The following ZFPM2 variants were observed in gnomAD, a reference collection of about 807,000 sequenced individuals.
ZFPM2 encodes the protein zinc finger protein, FOG family member 2.
ZFPM2 carries 20 observed loss-of-function variants against 98.6 expected under a neutral mutation model. The observed-to-expected ratio is 0.20, with a 90% CI of 0.14 to 0.29. The LOEUF (loss-of-function observed/expected upper bound fraction) is 0.29. Ranked by LOEUF, ZFPM2 falls within the 10% of genes least tolerant of loss-of-function variation. The pLI is 1.00. For missense variants in ZFPM2, 1,310 were observed against 1,388.6 expected (o/e 0.94, Z 0.90); for synonymous variants, 518 against 502.7 (o/e 1.03, Z -0.41).
chr8:105,330,597 T>TATATATATACATATATATATAC (rs1563606765), intron 1 of ZFPM2, among the ~76,000 whole-genome samples: 7 of 71,434 alleles, frequency 9.8e-5, no homozygotes, highest in Non-Finnish European at 1.4e-4. Context: ...TATATATACA[T>TATATATATACATATATATATAC]ATATATATAT....
chr8:105,629,272 G>A (rs746457884), intron 4 of ZFPM2, among the ~76,000 whole-genome samples: 1 of 152,164 alleles, frequency 6.6e-6, no homozygotes, highest in Non-Finnish European at 1.5e-5. Context: ...AATAAATGGG[G>A]CACCCCTGTT....
chr8:105,530,928 TTA>T (rs1464175101), intron 3 of ZFPM2, among the ~76,000 whole-genome samples: 3 of 152,170 alleles, frequency 2.0e-5, no homozygotes, highest in African/African-American at 7.2e-5. Context: ...GTCCATAGTT[TTA>T]TATGTAATTT....
intron 5 of ZFPM2, among the ~76,000 whole-genome samples, chr8:105,652,439 T>C (rs1425217302): frequency 6.6e-6 from 1 of 151,206 alleles, no homozygotes; most frequent in Non-Finnish European, 1.5e-5. Flanking sequence ...TACCATGGTG[T>C]TGCAAGCAAG....
intron 2 of ZFPM2, among the ~76,000 whole-genome samples, chr8:105,436,315 T>A (rs1812118281): frequency 1.3e-5 from 2 of 151,716 alleles, no homozygotes; most frequent in South Asian, 4.2e-4. Flanking sequence ...AGGTCGGGAG[T>A]TCGAGACCAG....
chr8:105,658,608 A>G (rs1483676867), intron 5 of ZFPM2, among the ~76,000 whole-genome samples: 7 of 40,568 alleles, frequency 1.7e-4, no homozygotes, highest in African/African-American at 9.3e-4. Flanking sequence ...AAAAAAAAAA[A>G]AAAGAAATCA....
At chr8:105,772,898 A>G (rs1813012519) in intron 5 of ZFPM2, among the ~76,000 whole-genome samples, 1 of 152,248 alleles carries the variant, frequency 6.6e-6, no homozygotes, top group South Asian at 2.1e-4. Context: ...GGGGAAAGTT[A>G]CATCTTTATG....
chr8:105,494,467 C>T (rs1299019062), intron 3 of ZFPM2, among the ~76,000 whole-genome samples: 1 of 151,858 alleles, frequency 6.6e-6, no homozygotes, highest in African/African-American at 2.4e-5. Context: ...GGGCTGTCAT[C>T]ATTTTTCCCT....
At chr8:105,334,872 CAA>C (rs1329721583) in intron 1 of ZFPM2, among the ~76,000 whole-genome samples, 2 of 151,546 alleles carry the variant, frequency 1.3e-5, no homozygotes, top group African/African-American at 4.8e-5. Context: ...GAAAGTCTTC[CAA>C]GCTATCTCAA....
chr8:105,797,798 T>C (rs1586279502), intron 6 of ZFPM2, among the ~76,000 whole-genome samples: 1 of 152,192 alleles, frequency 6.6e-6, no homozygotes, highest in South Asian at 2.1e-4. Flanking sequence ...CCATCTCTAA[T>C]CTCCTCCCTC....
chr8:105,449,493 A>G (rs1372677117), intron 3 of ZFPM2, among the ~76,000 whole-genome samples: 1 of 152,056 alleles, frequency 6.6e-6, no homozygotes, highest in Non-Finnish European at 1.5e-5. Context: ...CAAACACTAT[A>G]TTGATGATTT....
chr8:105,739,313 G>A (rs1459300847), intron 5 of ZFPM2, among the ~76,000 whole-genome samples: 1 of 152,062 alleles, frequency 6.6e-6, no homozygotes, highest in Admixed American at 6.6e-5. Flanking sequence ...AAACAGCTCA[G>A]TCACAGATTA....
At chr8:105,463,030 A>G (rs1326689924) in intron 3 of ZFPM2, among the ~76,000 whole-genome samples, 1 of 152,080 alleles carries the variant, frequency 6.6e-6, no homozygotes, top group African/African-American at 2.4e-5. Context: ...AAAATATAAA[A>G]TGGTGGAATA....
chr8:105,390,591 G>T (rs544485970), intron 1 of ZFPM2, among the ~76,000 whole-genome samples: 1 of 152,220 alleles, frequency 6.6e-6, no homozygotes, highest in Admixed American at 6.5e-5. Context: ...CCACTCCCCC[G>T]TATCCTCCTC....
chr8:105,666,247 A>G (rs982020159), intron 5 of ZFPM2, among the ~76,000 whole-genome samples: 6 of 148,960 alleles, frequency 4.0e-5, no homozygotes, highest in African/African-American at 1.6e-4. Flanking sequence ...CCTCTTTAGC[A>G]AAGAAAGAAA....
chr8:105,649,532 C>T (rs1817124117), intron 5 of ZFPM2, among the ~76,000 whole-genome samples: 2 of 152,086 alleles, frequency 1.3e-5, no homozygotes, highest in African/African-American at 4.8e-5. Context: ...ATAAATAGCT[C>T]TTATTATTTT....
At chr8:105,630,276 T>C (rs906468326) in intron 4 of ZFPM2, among the ~76,000 whole-genome samples, 7 of 152,192 alleles carry the variant, frequency 4.6e-5, no homozygotes, top group Admixed American at 1.3e-4. Flanking sequence ...GTGGATATTA[T>C]TGTTATTTTC....
intron 4 of ZFPM2, among the ~76,000 whole-genome samples, chr8:105,588,084 C>T (rs1815763347): frequency 1.3e-5 from 2 of 152,090 alleles, no homozygotes; most frequent in South Asian, 4.1e-4. Context: ...GCTAATTAGG[C>T]TGTCATATTT....
chr8:105,568,791 T>G (rs1563723715), intron 4 of ZFPM2, among the ~76,000 whole-genome samples: 1 of 152,130 alleles, frequency 6.6e-6, no homozygotes, highest in Non-Finnish European at 1.5e-5. Flanking sequence ...AAGGTTTTGG[T>G]AAAGCCTAAA....
intron 5 of ZFPM2, among the ~76,000 whole-genome samples, chr8:105,692,189 G>A (rs1286710189): frequency 2.0e-5 from 3 of 152,114 alleles, no homozygotes; most frequent in East Asian, 3.9e-4. Flanking sequence ...AAAAACATTT[G>A]TTTAATTTGT....
Sources: gnomAD v4.1 joint callset for allele counts (sites outside exome capture counted in the v4.1 genomes callset) on GRCh38, gnomAD v4.1.1 for gene constraint, MANE v1.5 for transcripts, NCBI Gene and HGNC (gene_info 2026-07-23, HGNC 2026-07-21) for gene names.